The following MAP3K14 variants were observed in gnomAD, a reference collection of about 807,000 sequenced individuals.
The protein encoded by MAP3K14 is mitogen-activated protein kinase kinase kinase 14, also known as NF-kappa-beta-inducing kinase.
Under a neutral mutation model 99.2 loss-of-function variants are expected in MAP3K14, and 16 were observed. The ratio of observed to expected loss-of-function variants is 0.16; its 90% confidence interval spans 0.11 to 0.24. MAP3K14 has a LOEUF of 0.24. Among genes scored for constraint, MAP3K14 ranks in the 10% least tolerant of loss-of-function variants. MAP3K14 has a pLI of 1.00. For synonymous variants in MAP3K14, 462 were observed against 492.4 expected (o/e 0.94, Z 0.82); for missense variants, 784 against 1,208.7 (o/e 0.65, Z 5.21).
rs760875454 is a variant in MAP3K14, at chr17:45,294,191, C to T, written c.-20-3426G>A. ...ACTCTCTGCATAAGAGTTGAGGACA[C>T]GAGCAGTGGCAACAGCCAAACCCAC... is the stretch of plus-strand genomic sequence containing the variant. On this transcript the variant is annotated intron_variant, in intron 1 of 15. Transcript: ENST00000344686. 1.2e-4 allele frequency among the ~76,000 whole-genome samples: 18 copies of T among 152,184 alleles called. 1 individual carries two copies. The highest frequency in any genetic ancestry group is 3.6e-4 in the African/African-American group (15 of 41,448).
chr17:45,284,713 C>T, intron 6 of MAP3K14, 99 bp downstream of exon 6: 2 of 1,427,774 alleles, frequency 1.4e-6, no homozygotes, highest in Non-Finnish European at 1.9e-6. Flanking sequence ...AAGTCAGACC[C>T]ACGGCCACCC....
At chr17:45,299,855 C>T (rs1333345512) in intron 1 of MAP3K14, among the ~76,000 whole-genome samples, 3 of 151,852 alleles carry the variant, frequency 2.0e-5, no homozygotes, top group East Asian at 1.9e-4. Context: ...TTTCGGAGGC[C>T]GAGGCAGGTG....
chr17:45,276,997 T>G (rs2044185814), intron 6 of MAP3K14, among the ~76,000 whole-genome samples: 1 of 151,336 alleles, frequency 6.6e-6, no homozygotes, highest in Admixed American at 6.6e-5. Context: ...ATCCAGCTAA[T>G]TTTTGTATTT....
At chr17:45,302,366 G>A (rs1246024160) in intron 1 of MAP3K14, among the ~76,000 whole-genome samples, 2 of 152,056 alleles carry the variant, frequency 1.3e-5, no homozygotes, top group Admixed American at 6.6e-5. Flanking sequence ...GGAGTGCAAC[G>A]GTGCGATCTT....
chr17:45,297,329 C>A (rs1490433020), intron 1 of MAP3K14, among the ~76,000 whole-genome samples: 1 of 152,204 alleles, frequency 6.6e-6, no homozygotes, highest in Non-Finnish European at 1.5e-5. Flanking sequence ...GGTAATAATT[C>A]CTTAGCCCAG....
Position 45,267,799 on chromosome 17 carries a change from G to T in MAP3K14, c.1973-40C>A. ...GTACAATGGTGAGGGGAAGCGTGCTGTGCACAGACAGCGGTCCAGGCAGGA... is the reference window on the plus strand; with the variant it reads ...GTACAATGGTGAGGGGAAGCGTGCTTTGCACAGACAGCGGTCCAGGCAGGA... On this transcript the variant is annotated intron_variant, in intron 11 of 15. Transcript: ENST00000344686. This position sits in a 1 kb window ranked among gnomAD's most constrained non-coding sequence, Gnocchi z 5.1. 1 of 1,552,966 alleles carries T rather than the reference G, an allele frequency of 6.4e-7. No individual in the cohort carries two copies. The highest frequency in any genetic ancestry group is 8.7e-7 in the Non-Finnish European group (1 of 1,144,334).
At position 45,290,759 on chromosome 17, in the gene MAP3K14, G is replaced by C. The variant is rs1316923810; in HGVS notation, c.-14C>G. 1 of 1,612,048 alleles carries C rather than the reference G, an allele frequency of 6.2e-7. No individual in the cohort carries two copies. The highest frequency in any genetic ancestry group is 1.3e-5 in the African/African-American group (1 of 74,884). On this transcript the variant is annotated 5_prime_UTR_variant, in exon 2 of 16. Coordinates refer to ENST00000344686, the MANE Select transcript of MAP3K14 (RefSeq NM_003954.5). Reference sequence around the variant, plus strand: ...CATCACTGCCATCTCCCAGGCTTGTGCTCATCCTGAGAGAGACCAAACACA... The same window carrying C: ...CATCACTGCCATCTCCCAGGCTTGTCCTCATCCTGAGAGAGACCAAACACA...
intron 6 of MAP3K14, among the ~76,000 whole-genome samples, chr17:45,280,006 C>T (rs987020580): frequency 3.3e-5 from 5 of 152,332 alleles, no homozygotes; most frequent in East Asian, 1.9e-4. Context: ...CATTACAACT[C>T]GGGTTCCTTC....
Position 45,287,372 on chromosome 17 carries a change from A to C in MAP3K14, c.327-8T>G, listed in dbSNP as rs770060599. On this transcript the variant is annotated splice_polypyrimidine_tract_variant and splice_region_variant and intron_variant, in intron 3 of 15. Transcript: ENST00000344686. Reference sequence around the variant, plus strand: ...TCAAGACTCTCGGACTGGCTGTCACAAAAGGGACAGATTTGCATATTGAGC... The same window carrying C: ...TCAAGACTCTCGGACTGGCTGTCACCAAAGGGACAGATTTGCATATTGAGC... 6.2e-7 allele frequency: 1 copy of C among 1,612,680 alleles called. No individual in the cohort carries two copies. The highest frequency in any genetic ancestry group is 8.5e-7 in the Non-Finnish European group (1 of 1,178,786).
intron 1 of MAP3K14, among the ~76,000 whole-genome samples, chr17:45,307,274 AAATT>A (rs1039245342): frequency 9.2e-5 from 14 of 152,056 alleles, no homozygotes; most frequent in Non-Finnish European, 1.5e-4. Flanking sequence ...TTAAAAAAAA[AAATT>A]AATTAATTAA....
At chr17:45,266,704 G>A (rs775209563) in intron 13 of MAP3K14, 23 bp from the exon 14 acceptor site, 9 of 1,596,008 alleles carry the variant, frequency 5.6e-6, no homozygotes, top group East Asian at 2.3e-5. Context: ...GATTGGGTAC[G>A]GGCTCAGGGC....
chr17:45,310,074 G>A lies in MAP3K14; in HGVS notation c.-21+6886C>T, dbSNP rs113913287. 6.7e-3 allele frequency among the ~76,000 whole-genome samples: 884 copies of A among 132,084 alleles called. 9 individuals carry two copies. The highest frequency in any genetic ancestry group is 0.024 in the African/African-American group (833 of 34,050). 86.7% of individuals were successfully genotyped at this position (132,084 alleles called of 152,430 possible). The stretch of plus-strand genomic sequence containing the variant: ...TTTGAGACGGAGTTTCGCTCTTGTC[G>A]CCCAGGCTGGAGTGCAATGGTGGAT... On this transcript the variant is annotated intron_variant, in intron 1 of 15. Transcript: ENST00000344686.
At chr17:45,297,852 G>C (rs2044357237) in intron 1 of MAP3K14, among the ~76,000 whole-genome samples, 1 of 151,798 alleles carries the variant, frequency 6.6e-6, no homozygotes, top group Non-Finnish European at 1.5e-5. Flanking sequence ...CTGAGTAGCT[G>C]GGATTACAGG....
rs1225448815 is a variant in MAP3K14 at position 45,284,928 on chromosome 17, C to G, written c.1174G>C (p.Glu392Gln). 6.4e-7 allele frequency: 1 copy of G among 1,553,176 alleles called. No homozygotes were observed. The highest frequency in any genetic ancestry group is 2.0e-5 in the Admixed American group (1 of 51,074). ...LTEKLKPVDY[E>Q]YREEVHWATH... is the part of the protein sequence containing the mutation. ...GCCCAGTGGACTTCTTCTCGGTACT[C>G]ATAATCCACTGGCTTGAGTTTCTGG... The change falls in exon 6 of 16, where the codon GAG (glutamate) becomes CAG (glutamine). Residue 392 changes from glutamate (E) to glutamine (Q), a missense_variant. Around this residue, in one of 5 missense-constraint regions of MAP3K14, gnomAD observed 200 missense variants for 367.9 expected, o/e 0.54. Transcript: ENST00000344686.
In MAP3K14 at chr17:45,266,553, G is replaced by A. The variant is rs374327440; in HGVS notation, c.2562C>T (p.Thr854=). The change falls in exon 14 of 16, where the codon ACC becomes ACT. Residue 854 remains threonine (T), a synonymous_variant. Coordinates refer to ENST00000344686, the MANE Select transcript of MAP3K14 (RefSeq NM_003954.5). ...GGACTGTACCATTGAAATAGCTTGG[G>A]GTGTCGGTGGGCCGCCCCCGGGCCA... ...MVLARGRPTD[T]PSYFNGVKVQ... The A allele has an allele frequency of 6.2e-7, 1 of 1,613,092 alleles. No homozygotes were observed.
Position 45,263,814 on chromosome 17 carries a change from C to T in MAP3K14, c.*822G>A, listed in dbSNP as rs772037203. 1 of 152,446 alleles carries T rather than the reference C, an allele frequency of 6.6e-6. No homozygotes were observed. The highest frequency in any genetic ancestry group is 1.5e-5 in the Non-Finnish European group (1 of 68,154). 9.4% of individuals were successfully genotyped at this position (152,446 alleles called of 1,614,324 possible). ...GACTGTTCCTGTCAGGCATATCCTG[C>T]ATCACCCTTCACCTTTACAGATGAG... On this transcript the variant is annotated 3_prime_UTR_variant, in exon 16 of 16. Coordinates refer to ENST00000344686, the MANE Select transcript of MAP3K14 (RefSeq NM_003954.5).
intron 1 of MAP3K14, among the ~76,000 whole-genome samples, chr17:45,301,601 T>C (rs1285797265): frequency 2.6e-5 from 4 of 152,112 alleles, no homozygotes; most frequent in African/African-American, 9.7e-5. Flanking sequence ...TTTAACAATA[T>C]GGAAAAATGG....
At chr17:45,265,433 C>A (rs1365563976) in intron 14 of MAP3K14, among the ~76,000 whole-genome samples, 170 bp from the exon 15 acceptor site, 3 of 152,176 alleles carry the variant, frequency 2.0e-5, no homozygotes, top group Non-Finnish European at 4.4e-5. Context: ...CTGGTCTAAG[C>A]ACAGCTGCAT....
chr17:45,270,220 T>G (rs1317360171), intron 11 of MAP3K14, among the ~76,000 whole-genome samples, 193 bp downstream of exon 11: 3 of 152,204 alleles, frequency 2.0e-5, no homozygotes, highest in Admixed American at 1.3e-4. Flanking sequence ...TCCCATCTCC[T>G]GAGCGCTGCC....
Sources: gnomAD v4.1 joint callset for allele counts (sites outside exome capture counted in the v4.1 genomes callset) on GRCh38, gnomAD v4.1.1 for gene constraint, gnomAD v4.1.1 regional missense constraint, Gnocchi (gnomAD v3.1) non-coding constraint, MANE v1.5 for transcripts, NCBI Gene and HGNC (gene_info 2026-07-23, HGNC 2026-07-21) for gene names.